The following AEBP2 variants were observed in gnomAD, a reference collection of about 807,000 sequenced individuals.
AEBP2 encodes zinc finger protein AEBP2.
Under a neutral mutation model 50.8 loss-of-function variants are expected in AEBP2, and 10 were observed. The ratio of observed to expected loss-of-function variants is 0.20; its 90% CI spans 0.12 to 0.33. AEBP2 has a LOEUF of 0.33. Ranked by LOEUF, AEBP2 falls within the 10% of genes least tolerant of loss-of-function variation. The pLI, the probability that AEBP2 is intolerant of heterozygous loss-of-function variation, is 1.00. For synonymous variants in AEBP2, 296 were observed against 261.3 expected (o/e 1.13, Z -1.28); for missense variants, 570 against 688.0 (o/e 0.83, Z 1.92).
At chr12:19,472,492 T>C (rs542453049) in intron 2 of AEBP2, among the ~76,000 whole-genome samples, 2 of 152,308 alleles carry the variant, frequency 1.3e-5, no homozygotes, top group South Asian at 4.1e-4. Flanking sequence ...CTAGTTATAC[T>C]TAGTACCCTG....
intron 1 of AEBP2, among the ~76,000 whole-genome samples, chr12:19,423,320 C>T (rs2095746827): frequency 6.6e-6 from 1 of 152,060 alleles, no homozygotes; most frequent in Admixed American, 6.6e-5. Flanking sequence ...TTTTTGGAAG[C>T]CTCTGCTGAC....
chr12:19,511,111 G>T (rs925103075), intron 5 of AEBP2, among the ~76,000 whole-genome samples: 1 of 151,970 alleles, frequency 6.6e-6, no homozygotes, highest in African/African-American at 2.4e-5. Flanking sequence ...TACTGGTATT[G>T]CAGGCGTGAG....
At chr12:19,501,323 C>T (rs1205965216) in intron 5 of AEBP2, among the ~76,000 whole-genome samples, 2 of 145,250 alleles carry the variant, frequency 1.4e-5, no homozygotes, top group Non-Finnish European at 3.0e-5. Context: ...AAGAGCGAAA[C>T]TCCATCTCAA....
In AEBP2 at chr12:19,456,504, T is replaced by C; in HGVS notation, c.672-6006T>C. On this transcript the variant is annotated intron_variant, in intron 1 of 7. Coordinates refer to ENST00000266508, the MANE Select transcript of AEBP2 (RefSeq NM_153207.5). ...TTTACCAACATGGCGATCCATCTTTTCCTTCAGCTCAGCAAACTTGCATGC... is the reference window on the plus strand; with the variant it reads ...TTTACCAACATGGCGATCCATCTTTCCCTTCAGCTCAGCAAACTTGCATGC... 3 of 1,512,034 alleles carry C rather than the reference T, an allele frequency of 2.0e-6. No homozygotes were observed. The South Asian group carries it at 3.4e-5, about 17-fold the overall frequency. 93.7% of individuals were successfully genotyped at this position (1,512,034 alleles called of 1,614,324 possible).
At chr12:19,484,128 A>G (rs1050840869) in intron 3 of AEBP2, among the ~76,000 whole-genome samples, 14 of 151,928 alleles carry the variant, frequency 9.2e-5, no homozygotes, top group Admixed American at 6.6e-5. Flanking sequence ...CGCCCAGGCT[A>G]GATGGAGTGC....
Position 19,462,662 on chromosome 12 carries a change from G to T in AEBP2, c.824G>T (p.Ser275Ile). The T allele has an allele frequency of 6.2e-7, 1 of 1,613,978 alleles. No homozygotes were observed. The highest frequency in any genetic ancestry group is 8.5e-7 in the Non-Finnish European group (1 of 1,179,878). Residue 275 changes from serine to isoleucine, a missense_variant, in exon 2 of 8, where the codon AGC becomes ATC. Ser to Ile is a moderately radical substitution (Grantham distance 142). Transcript: ENST00000266508. ...WDQCQACFNS[S>I]PDLADHIRSI... is the part of the protein sequence containing the mutation. ...CAGTGCCAGGCTTGCTTCAACTCTA[G>T]CCCAGATCTGGCAGATCACATCCGT...
At chr12:19,498,864 A>G (rs1280768265) in intron 4 of AEBP2, among the ~76,000 whole-genome samples, 1 of 152,170 alleles carries the variant, frequency 6.6e-6, no homozygotes, top group African/African-American at 2.4e-5. Flanking sequence ...TCCTTTAAAA[A>G]AAATTCCATG....
chr12:19,404,394 G>C (rs2095734958), intron 1 of AEBP2, among the ~76,000 whole-genome samples: 3 of 152,294 alleles, frequency 2.0e-5, no homozygotes, highest in Admixed American at 2.0e-4. Flanking sequence ...GGCGTGTGTG[G>C]CATGGCGGCC....
chr12:19,481,406 A>T (rs928404628), intron 3 of AEBP2, among the ~76,000 whole-genome samples: 3 of 150,986 alleles, frequency 2.0e-5, no homozygotes, highest in African/African-American at 7.3e-5. Context: ...CCTGGCCTTC[A>T]GTGCGTTTTC....
rs770812990 is a variant in AEBP2 at position 19,440,292 on chromosome 12, C to T, written c.593C>T (p.Ala198Val). 2.1e-6 allele frequency: 3 copies of T among 1,462,162 alleles called. No homozygotes were observed. Among genetic ancestry groups the T allele is most frequent in the Admixed American group, 2.6e-5 (1 of 38,830 alleles). The allele number at this position is 1,462,162 out of a possible 1,614,324, so 90.6% of individuals were successfully genotyped here. A position where few individuals can be genotyped will look rare whatever the true frequency, so the allele number is the denominator to read the frequency against. Residue 198 changes from alanine to valine, a missense_variant, in exon 1 of 8, where the codon GCG (alanine) becomes GTG (valine). Ala to Val is a moderately conservative substitution (Grantham distance 64). Coordinates refer to ENST00000266508, the MANE Select transcript of AEBP2 (RefSeq NM_153207.5). The part of the protein sequence containing the change: ...GYGTGGGGSS[A>V]TSGGRRGSLE... ...GGGACTGGGGGAGGCGGAAGCAGCG[C>T]GACCTCCGGGGGCCGGCGGGGCAGC...
At chr12:19,484,224 C>T (rs1157904081) in intron 3 of AEBP2, among the ~76,000 whole-genome samples, 2 of 146,938 alleles carry the variant, frequency 1.4e-5, no homozygotes, top group Non-Finnish European at 3.0e-5. Context: ...GCTGGGATTA[C>T]AGGCAGGCAC....
upstream of AEBP2, among the ~76,000 whole-genome samples, chr12:19,439,121 C>T (rs1360702304): frequency 6.6e-6 from 1 of 152,200 alleles, no homozygotes; most frequent in Admixed American, 6.5e-5. Context: ...TAGTACCTTA[C>T]ACCGTAGTGT....
At chr12:19,469,573 A>C (rs953290384) in intron 2 of AEBP2, among the ~76,000 whole-genome samples, 1 of 152,188 alleles carries the variant, frequency 6.6e-6, no homozygotes, top group African/African-American at 2.4e-5. Flanking sequence ...TTCTACCTCT[A>C]GTGTAGTAGT....
intron 1 of AEBP2, among the ~76,000 whole-genome samples, chr12:19,405,804 T>C (rs566277070): frequency 6.6e-6 from 1 of 152,086 alleles, no homozygotes; most frequent in East Asian, 1.9e-4. Flanking sequence ...TAAACCTACA[T>C]TGATACTTTA....
chr12:19,515,797 A>T (rs1425095270), intron 7 of AEBP2, among the ~76,000 whole-genome samples: 1 of 152,136 alleles, frequency 6.6e-6, no homozygotes, highest in African/African-American at 2.4e-5. Flanking sequence ...AGTTTTCCCT[A>T]TTACAATAAA....
intron 1 of AEBP2, among the ~76,000 whole-genome samples, chr12:19,416,012 G>A (rs920641835): frequency 6.6e-6 from 1 of 152,098 alleles, no homozygotes; most frequent in Non-Finnish European, 1.5e-5. Context: ...AGGAGACACT[G>A]TCTCTACAAA....
At chr12:19,466,690 C>T (rs1800910223) in intron 2 of AEBP2, 1 of 566,754 alleles carries the variant, frequency 1.8e-6, no homozygotes, top group Admixed American at 6.3e-5. Context: ...TAGAAAACAC[C>T]TGATTTTGTT....
intron 1 of AEBP2, among the ~76,000 whole-genome samples, chr12:19,425,282 ATTC>A (rs1193687528): frequency 2.0e-5 from 3 of 152,230 alleles, no homozygotes; most frequent in Admixed American, 6.5e-5. Context: ...CTGCTAATAA[ATTC>A]TTCTACTGTT....
intron 6 of AEBP2, 118 bp from the exon 7 acceptor site, chr12:19,514,553 C>G: frequency 1.5e-6 from 1 of 666,288 alleles, no homozygotes; most frequent in Non-Finnish European, 2.4e-6. Flanking sequence ...TTCTGGGAAA[C>G]TTGTTCACTT....
Sources: gnomAD v4.1 joint callset for allele counts (sites outside exome capture counted in the v4.1 genomes callset) on GRCh38, gnomAD v4.1.1 for gene constraint, MANE v1.5 for transcripts, NCBI Gene and HGNC (gene_info 2026-07-23, HGNC 2026-07-21) for gene names.